Variants in ARL17B observed in about 807,000 individuals in gnomAD.
ARL17B encodes the protein ARF like GTPase 17B, also known as ADP-ribosylation factor-like protein 17.
chr17:46,290,263 T>G (rs1162643773), intron 4 of ARL17B, among the ~76,000 whole-genome samples: 7 of 152,284 alleles, frequency 4.6e-5, no homozygotes, highest in Non-Finnish European at 8.8e-5. Context: ...GCCAAGTAGC[T>G]GAGACTACAG....
At chr17:46,291,552 G>A (rs550711961) in intron 4 of ARL17B, among the ~76,000 whole-genome samples, 185 of 151,456 alleles carry the variant, frequency 1.2e-3, no homozygotes, top group African/African-American at 4.3e-3. Context: ...CAGGAGAGAA[G>A]AAAACAACAC....
chr17:46,276,183 G>GGCT (rs113010160), intron 4 of ARL17B, among the ~76,000 whole-genome samples: 69 of 152,342 alleles, frequency 4.5e-4, no homozygotes, highest in African/African-American at 1.6e-3. Flanking sequence ...GAGCCACCAA[G>GGCT]GCTGGCCTCA....
chr17:46,285,625 TA>T (rs1160358835), intron 4 of ARL17B, among the ~76,000 whole-genome samples: 6 of 152,240 alleles, frequency 3.9e-5, no homozygotes, highest in Admixed American at 3.3e-4. Context: ...GAAGTTTCTT[TA>T]AAAATAAAAT....
intron 4 of ARL17B, among the ~76,000 whole-genome samples, chr17:46,286,919 A>G (rs2049936702): frequency 6.6e-6 from 1 of 152,224 alleles, no homozygotes; most frequent in Non-Finnish European, 1.5e-5. Flanking sequence ...ATGCCAACAC[A>G]TTCTCCATAA....
At chr17:46,332,823 T>A (rs1479024645), downstream of ARL17B, 4 of 383,446 alleles carry the variant, frequency 1.0e-5, no homozygotes, top group Admixed American at 7.4e-5. Flanking sequence ...TTGCAGTGTA[T>A]ATTTCAGGAT....
intron 4 of ARL17B, among the ~76,000 whole-genome samples, chr17:46,289,818 T>C (rs1396738987): frequency 6.6e-6 from 1 of 152,246 alleles, no homozygotes; most frequent in Non-Finnish European, 1.5e-5. Context: ...TAATTTTATT[T>C]TTCCTTCTTT....
chr17:46,284,448 G>A (rs1328104513), intron 4 of ARL17B, among the ~76,000 whole-genome samples: 1 of 152,230 alleles, frequency 6.6e-6, no homozygotes, highest in African/African-American at 2.4e-5. Flanking sequence ...CACGGGGTTG[G>A]GGGTAAGGTT....
In ARL17B at chr17:46,314,849, C is replaced by T. The variant is rs1177365313; in HGVS notation, c.260-15184G>A. 2.5e-5 allele frequency among the ~76,000 whole-genome samples: 2 copies of T among 81,598 alleles called. 1 individual carries two copies. The highest frequency in any genetic ancestry group is 7.4e-5 in the Non-Finnish European group (2 of 26,858). The allele number at this position is 81,598 out of a possible 152,430, so 53.5% of individuals were successfully genotyped here. On this transcript the variant is annotated intron_variant, in intron 3 of 4. Transcript: ENST00000434041. ...TTGGATACCAGGTTAATATCACCCT[C>T]ATAGAATAAGTTAGGAAATGTTCTC...
intron 3 of ARL17B, among the ~76,000 whole-genome samples, chr17:46,304,812 G>C (rs1247750313): frequency 1.7e-5 from 1 of 57,608 alleles, no homozygotes; most frequent in East Asian, 3.4e-4. Context: ...TGATATTGAA[G>C]TGGCTTAGGA....
At chr17:46,284,429 C>A (rs1217831353) in intron 4 of ARL17B, among the ~76,000 whole-genome samples, 2 of 152,236 alleles carry the variant, frequency 1.3e-5, no homozygotes, top group African/African-American at 2.4e-5. Flanking sequence ...CAGCACATGT[C>A]TCAGAGAGCA....
intron 4 of ARL17B, among the ~76,000 whole-genome samples, chr17:46,283,639 C>A (rs2049829159): frequency 1.3e-5 from 2 of 152,302 alleles, no homozygotes; most frequent in South Asian, 4.1e-4. Context: ...CCCCTCCACA[C>A]CTGTGGGTGT....
In ARL17B at chr17:46,290,476, C is replaced by T. The variant is rs534881710; in HGVS notation, c.*21+9050G>A. 8.8e-4 allele frequency among the ~76,000 whole-genome samples: 134 copies of T among 152,228 alleles called. 3 individuals carry two copies. Among genetic ancestry groups the T allele is most frequent in the Middle Eastern group, 3.4e-3 (1 of 294 alleles). ...TCTCTGAAGCTACAGTTTTTTGTTT[C>T]GAGATGGAGTCTCGCTCTGTCGTGC... On this transcript the variant is annotated intron_variant, in intron 4 of 4. Transcript: ENST00000570618.
chr17:46,315,292 C>T (rs561354598), intron 3 of ARL17B, among the ~76,000 whole-genome samples: 2 of 85,694 alleles, frequency 2.3e-5, no homozygotes, highest in African/African-American at 6.4e-5. Flanking sequence ...TGGGAGGCTG[C>T]GGTGGGAGGA....
chr17:46,305,185 AT>A (rs2050500049), intron 3 of ARL17B, among the ~76,000 whole-genome samples: 1 of 104,090 alleles, frequency 9.6e-6, no homozygotes. Flanking sequence ...TTTTTTTAAT[AT>A]TAGAAATTGT....
chr17:46,298,796 T>C (rs1024057846), downstream of ARL17B, among the ~76,000 whole-genome samples: 2 of 73,958 alleles, frequency 2.7e-5, no homozygotes, highest in Admixed American at 3.6e-4. Context: ...TATATATAAT[T>C]AAGTACTAAA....
intron 4 of ARL17B, among the ~76,000 whole-genome samples, chr17:46,287,841 A>G (rs542485641): frequency 2.6e-4 from 40 of 152,370 alleles, no homozygotes; most frequent in African/African-American, 9.1e-4. Flanking sequence ...GTGATTGTGG[A>G]GTGCACAGTG....
intron 4 of ARL17B, among the ~76,000 whole-genome samples, chr17:46,287,131 A>G (rs980627914): frequency 2.6e-5 from 4 of 152,272 alleles, no homozygotes; most frequent in Non-Finnish European, 4.4e-5. Context: ...AAACTCCAGT[A>G]TCTGATGCTC....
rs531249517 is a variant in ARL17B at position 46,350,593 on chromosome 17, C to T, written c.259+2227G>A. Among the ~76,000 whole-genome samples the T allele has an allele frequency of 1.1e-3, 93 of 85,746 alleles. 4 individuals are homozygous for T. The highest frequency in any genetic ancestry group is 3.2e-3 in the African/African-American group (90 of 28,236). The allele number at this position is 85,746 out of a possible 152,430, so 56.3% of individuals were successfully genotyped here. A position where few individuals can be genotyped will look rare whatever the true frequency, so the allele number is the denominator to read the frequency against. The stretch of plus-strand genomic sequence containing the variant: ...AAAAAAAAGGGGGGGGGAGGCCAGG[C>T]GAGGTGGCTCACACTATGGTCTCAG... On this transcript the variant is annotated intron_variant, in intron 3 of 3. Coordinates refer to ENST00000450673, the MANE Select transcript of ARL17B (RefSeq NM_001039083.5).
intron 3 of ARL17B, among the ~76,000 whole-genome samples, chr17:46,344,288 C>T (rs1249033120): frequency 2.6e-5 from 4 of 151,030 alleles, no homozygotes; most frequent in South Asian, 2.1e-4. Flanking sequence ...CAGAGCAAGA[C>T]GCTGAGTCTT....
Sources: allele counts gnomAD v4.1 joint callset (sites outside exome capture counted in the v4.1 genomes callset), GRCh38; gene constraint gnomAD v4.1.1; transcripts MANE v1.5; gene names NCBI Gene and HGNC (gene_info 2026-07-23, HGNC 2026-07-21).